The following CCND3 variants were observed in gnomAD, a reference collection of about 807,000 sequenced individuals.
CCND3 encodes the protein G1/S-specific cyclin-D3.
Under a neutral mutation model 28.7 loss-of-function variants are expected in CCND3, and 9 were observed. That is an observed-to-expected ratio of 0.31 (90% confidence interval 0.19 to 0.55). CCND3 has a LOEUF of 0.55. Among genes scored for constraint, CCND3 ranks in the 20% least tolerant of loss-of-function variants. The pLI is 0.93. For synonymous variants in CCND3, 164 were observed against 163.9 expected, an observed-to-expected ratio of 1.00 and a Z score of 0.00; for missense variants, 315 against 385.8, an observed-to-expected ratio of 0.82 and a Z score of 1.54.
intron 1 of CCND3, among the ~76,000 whole-genome samples, chr6:42,029,114 A>G (rs1763971308): frequency 6.6e-6 from 1 of 151,904 alleles, no homozygotes; most frequent in Non-Finnish European, 1.5e-5. Context: ...GTAGCTAGGA[A>G]TACAAGCAGG....
chr6:42,016,397 G>A (rs1763512570), intron 1 of CCND3, among the ~76,000 whole-genome samples: 1 of 152,038 alleles, frequency 6.6e-6, no homozygotes, highest in South Asian at 2.1e-4. Flanking sequence ...ACAGGGGTTT[G>A]AATCTCTGCT....
At chr6:42,002,087 C>G (rs536838075) in intron 1 of CCND3, among the ~76,000 whole-genome samples, 2 of 147,238 alleles carry the variant, frequency 1.4e-5, no homozygotes, top group East Asian at 4.0e-4. Context: ...TGTACTCCAG[C>G]CTGGGTGAGA....
intron 1 of CCND3, among the ~76,000 whole-genome samples, chr6:42,018,019 C>T (rs1269517521): frequency 6.6e-6 from 1 of 151,638 alleles, no homozygotes; most frequent in Non-Finnish European, 1.5e-5. Context: ...CATGGTGGCA[C>T]ATGCCTGTAG....
chr6:41,949,015 T>C (rs1487275004), intron 1 of CCND3, among the ~76,000 whole-genome samples: 4 of 152,130 alleles, frequency 2.6e-5, no homozygotes, highest in Non-Finnish European at 5.9e-5. Context: ...TGCTACACCA[T>C]AGTAATGAGT....
chr6:41,959,106 G>A (rs9471697), intron 1 of CCND3, among the ~76,000 whole-genome samples: 4,481 of 152,128 alleles, frequency 0.029, 164 homozygotes, highest in African/African-American at 0.091. Context: ...CCTGAGGTCA[G>A]GAGTTCGAGA....
chr6:42,034,746 G>A (rs1764155016), intron 1 of CCND3, among the ~76,000 whole-genome samples: 1 of 152,156 alleles, frequency 6.6e-6, no homozygotes, highest in Middle Eastern at 3.4e-3. Flanking sequence ...CCAAAGTGCT[G>A]GAATTACCGG....
intron 1 of CCND3, chr6:42,029,889 G>T (rs1422229737): frequency 1.3e-5 from 2 of 152,014 alleles, no homozygotes; most frequent in Non-Finnish European, 2.9e-5. Flanking sequence ...ATGGATGGGG[G>T]TGCCCTCCCT....
At chr6:41,937,123 A>G (rs2127390930) in intron 3 of CCND3, 112 bp downstream of exon 3, 2 of 1,222,604 alleles carry the variant, frequency 1.6e-6, no homozygotes, top group South Asian at 2.5e-5. Context: ...CAGAGGGGGT[A>G]TAATTTTCAC....
At chr6:42,022,912 C>G (rs1582173820) in intron 1 of CCND3, among the ~76,000 whole-genome samples, 1 of 152,210 alleles carries the variant, frequency 6.6e-6, no homozygotes, top group Non-Finnish European at 1.5e-5. Context: ...AGGCCCCATG[C>G]TGGGCCAGGC....
chr6:41,969,176 C>A (rs1462654619), intron 1 of CCND3, among the ~76,000 whole-genome samples: 1 of 152,146 alleles, frequency 6.6e-6, no homozygotes, highest in Non-Finnish European at 1.5e-5. Flanking sequence ...CGCCTGTAAT[C>A]CCAGCACTTT....
In CCND3 at chr6:42,004,110, T is replaced by TC. The variant is rs1455995599; in HGVS notation, c.-46+44390dup. 5.4e-5 allele frequency among the ~76,000 whole-genome samples: 8 copies of TC among 147,854 alleles called. 1 individual carries two copies. Among genetic ancestry groups the TC allele is most frequent in the South Asian group, 2.1e-4 (1 of 4,676 alleles). On this transcript the variant is annotated intron_variant, in intron 1 of 4. Transcript: ENST00000372988. ...TGTGTATGTATTTTTTTTTTTTTTT[T>TC]CCTGAGACAGAGTCTCACTATGTAG...
At chr6:41,974,498 A>G (rs1307977103) in intron 1 of CCND3, among the ~76,000 whole-genome samples, 1 of 152,102 alleles carries the variant, frequency 6.6e-6, no homozygotes, top group Non-Finnish European at 1.5e-5. Flanking sequence ...CTCAGTGTAC[A>G]GTGAGCCCGT....
chr6:41,950,187 G>C (rs1776269698), intron 1 of CCND3, among the ~76,000 whole-genome samples: 1 of 151,572 alleles, frequency 6.6e-6, no homozygotes, highest in Admixed American at 6.6e-5. Flanking sequence ...AGGCTTTCCT[G>C]TTCTGTCATT....
Position 41,935,745 on chromosome 6 carries a change from A to C in CCND3, c.*195T>G, listed in dbSNP as rs1775760127. The C allele has an allele frequency of 1.7e-6, 1 of 579,788 alleles. No homozygotes were observed. Among genetic ancestry groups the C allele is most frequent in the Admixed American group, 2.9e-5 (1 of 34,570 alleles). The allele number at this position is 579,788 out of a possible 1,614,324, so 35.9% of individuals were successfully genotyped here. The stretch of plus-strand genomic sequence containing the variant: ...GCAGGGAGGAGGAGCTTGACTAGCC[A>C]CCGAAATGCAGACATGGCTGGCCGG... On this transcript the variant is annotated 3_prime_UTR_variant, in exon 5 of 5. Coordinates refer to ENST00000372991, the MANE Select transcript of CCND3 (RefSeq NM_001760.5).
chr6:42,041,535 G>A (rs1475818398), intron 1 of CCND3, among the ~76,000 whole-genome samples: 2 of 152,160 alleles, frequency 1.3e-5, no homozygotes, highest in East Asian at 3.8e-4. Context: ...CCAAGTTTGT[G>A]GTTCTATAGC....
Position 41,936,142 on chromosome 6 carries a change from TC to T in CCND3, c.712-36del. On this transcript the variant is annotated intron_variant, in intron 4 of 4. Coordinates refer to ENST00000372991, the MANE Select transcript of CCND3 (RefSeq NM_001760.5). The surrounding 1 kb of genome is among the most constrained non-coding windows in gnomAD (Gnocchi z 4.4). ...TGGGAGAAGAGTGAGGAGCAAACAC[TC>T]CCCCCATAGCATCTGGCAGCAGGTG... 1 of 1,531,846 alleles carries T rather than the reference TC, an allele frequency of 6.5e-7. No individual in the cohort carries two copies. The highest frequency in any genetic ancestry group is 8.8e-7 in the Non-Finnish European group (1 of 1,138,458). The allele number at this position is 1,531,846 out of a possible 1,614,324, so 94.9% of individuals were successfully genotyped here. A position where few individuals can be genotyped will look rare whatever the true frequency, so the allele number is the denominator to read the frequency against.
rs549486097 is a variant in CCND3, at chr6:42,005,417, CTGTAGTCCTAGCCACT to C, written c.-46+43068_-46+43083del. Among the ~76,000 whole-genome samples the C allele has an allele frequency of 1.9e-4, 29 of 151,684 alleles. No homozygotes were observed. In the East Asian group the frequency reaches 4.7e-3, roughly 24 times the overall value. On this transcript the variant is annotated intron_variant, in intron 1 of 4. Coordinates refer to the CCND3 transcript ENST00000372988. ...ATTAGTTGGGCGTGGTGGTGCACGC[CTGTAGTCCTAGCCACT>C]TGGAGGCCGAGGCATGAGAATCGCT...
intron 1 of CCND3, among the ~76,000 whole-genome samples, chr6:42,023,937 T>C (rs113064794): frequency 0.011 from 1,671 of 152,298 alleles, 34 homozygotes; most frequent in African/African-American, 0.039. Context: ...CAAACACCTG[T>C]GTCACAATAA....
chr6:41,967,625 A>G (rs981007509), intron 1 of CCND3, among the ~76,000 whole-genome samples: 3 of 152,194 alleles, frequency 2.0e-5, no homozygotes, highest in African/African-American at 7.2e-5. Flanking sequence ...ATTTCTATCC[A>G]TCTCCCGCAG....
Sources: allele counts gnomAD v4.1 joint callset (sites outside exome capture counted in the v4.1 genomes callset), GRCh38; gene constraint gnomAD v4.1.1; non-coding constraint Gnocchi (gnomAD v3.1); transcripts MANE v1.5; gene names NCBI Gene and HGNC (gene_info 2026-07-23, HGNC 2026-07-21).